The following PCDHA5 variants were observed in gnomAD, a reference collection of about 807,000 sequenced individuals.
PCDHA5 encodes protocadherin alpha 5, also known as protocadherin alpha-5.
A neutral mutation model predicts 61.6 loss-of-function variants in PCDHA5; 43 were observed. The ratio of observed to expected loss-of-function variants is 0.70; its 90% CI spans 0.55 to 0.90. PCDHA5 has a LOEUF of 0.90. Ranked by LOEUF, PCDHA5 falls within the 40% of genes least tolerant of loss-of-function variation. PCDHA5 has a pLI of 0.00. For missense variants in PCDHA5, 1,298 were observed against 1,222.7 expected (o/e 1.06, Z -0.92); for synonymous variants, 627 against 543.9 (o/e 1.15, Z -2.13).
At chr5:140,967,627 C>G (rs1218869340) in intron 1 of PCDHA5, 16 of 1,614,040 alleles carry the variant, frequency 9.9e-6, no homozygotes, top group Non-Finnish European at 1.3e-5. Context: ...CGGATGAGGG[C>G]TCCAATGGTG....
chr5:140,900,178 T>C (rs972449455), intron 1 of PCDHA5, among the ~76,000 whole-genome samples: 2 of 152,238 alleles, frequency 1.3e-5, no homozygotes, highest in African/African-American at 2.4e-5. Context: ...GCCTGGTTTA[T>C]GTCACTTATA....
intron 1 of PCDHA5, chr5:140,884,367 T>G (rs2060126363): frequency 1.2e-6 from 2 of 1,613,928 alleles, no homozygotes; most frequent in Middle Eastern, 3.3e-4. Context: ...AATGTTTACT[T>G]GATCATTGCC....
At chr5:140,950,551 G>T (rs1162032370) in intron 1 of PCDHA5, among the ~76,000 whole-genome samples, 1 of 151,932 alleles carries the variant, frequency 6.6e-6, no homozygotes, top group African/African-American at 2.4e-5. Context: ...CATGGCTGGG[G>T]GGACACTTAT....
At position 140,823,109 on chromosome 5, in the gene PCDHA5, C is replaced by T. The variant is rs1197473169; in HGVS notation, c.1334C>T (p.Ala445Val). The T allele has an allele frequency of 6.2e-7, 1 of 1,614,038 alleles. No individual in the cohort carries two copies. The change falls in exon 1 of 4, where the codon GCC becomes GTC. Residue 445 changes from alanine (A) to valine (V), a missense_variant. Physicochemically the swap from Ala to Val is moderately conservative, Grantham distance 64 (BLOSUM62 0). Coordinates refer to ENST00000529859, the MANE Select transcript of PCDHA5 (RefSeq NM_018908.3). ...WATASVSVEV[A>V]DVNDNAPAFA... ...ACCGCCAGCGTGTCTGTGGAAGTGG[C>T]CGACGTGAACGACAACGCTCCGGCG...
In PCDHA5 at chr5:140,835,864, T is replaced by C. The variant is rs2150246825; in HGVS notation, c.2352+11737T>C. 15 of 1,611,970 alleles carry C rather than the reference T, an allele frequency of 9.3e-6. No homozygotes were observed. The highest frequency in any genetic ancestry group is 1.2e-5 in the Non-Finnish European group (14 of 1,179,634). ...AAGAACGCGCTGGTGTCCTACTCGC[T>C]GGTGGAGCTGCGGGTGGGCGAGCGC... On this transcript the variant is annotated intron_variant, in intron 1 of 3. Transcript: ENST00000529859.
intron 1 of PCDHA5, among the ~76,000 whole-genome samples, chr5:140,885,265 T>C (rs2060534945): frequency 6.6e-6 from 1 of 152,186 alleles, no homozygotes; most frequent in African/African-American, 2.4e-5. Flanking sequence ...TAATTACTCA[T>C]ACATATATAT....
intron 1 of PCDHA5, 196 bp downstream of exon 1, chr5:140,824,323 T>A: frequency 1.4e-6 from 1 of 698,316 alleles, no homozygotes; most frequent in South Asian, 1.9e-5. Context: ...ATCAGCTTTC[T>A]GTGATATTAA....
chr5:140,980,265 A>G (rs1041506600), intron 2 of PCDHA5, among the ~76,000 whole-genome samples: 1 of 152,258 alleles, frequency 6.6e-6, no homozygotes, highest in Non-Finnish European at 1.5e-5. Flanking sequence ...CATGGTTTAC[A>G]GTACCAACTC....
At chr5:140,881,559 C>G (rs1293330721) in intron 1 of PCDHA5, among the ~76,000 whole-genome samples, 2 of 152,174 alleles carry the variant, frequency 1.3e-5, no homozygotes, top group Admixed American at 6.5e-5. Context: ...ATATAAATAT[C>G]TTATCTACAT....
At position 140,821,754 on chromosome 5, in the gene PCDHA5, T is replaced by G. The variant is rs1461015460; in HGVS notation, c.-22T>G. On this transcript the variant is annotated 5_prime_UTR_variant, in exon 1 of 4. Coordinates refer to ENST00000529859, the MANE Select transcript of PCDHA5 (RefSeq NM_018908.3). ...ATTGTGTGGTGATGCAATAGAAAGCTCATAATTGGAACGAGATTGAGATGG... is the reference window on the plus strand; with the variant it reads ...ATTGTGTGGTGATGCAATAGAAAGCGCATAATTGGAACGAGATTGAGATGG... 1.3e-6 allele frequency: 2 copies of G among 1,582,528 alleles called. No homozygotes were observed. Among genetic ancestry groups the G allele is most frequent in the Non-Finnish European group, 1.7e-6 (2 of 1,165,256 alleles).
chr5:140,948,312 G>A (rs2094238308), intron 1 of PCDHA5, among the ~76,000 whole-genome samples: 1 of 151,400 alleles, frequency 6.6e-6, no homozygotes, highest in African/African-American at 2.4e-5. Context: ...TTCTTCTTGA[G>A]GGGTAATGTT....
chr5:140,824,632 TA>T lies in PCDHA5; in HGVS notation c.2352+506del, dbSNP rs1368126931. 1,053 of 118,568 alleles carry T rather than the reference TA, an allele frequency of 8.9e-3. 203 individuals carry two copies. The highest frequency in any genetic ancestry group is 0.034 in the African/African-American group (833 of 24,828). 7.3% of individuals were successfully genotyped at this position (118,568 alleles called of 1,614,324 possible). A position where few individuals can be genotyped will look rare whatever the true frequency, so the allele number is the denominator to read the frequency against. ...AAAGTTTTTTTTTTTTTTTTTTTTT[TA>T]TTTTCTGTAGAGATAGGGGTCTTGC... On this transcript the variant is annotated intron_variant, in intron 1 of 3. Transcript: ENST00000529859.
At chr5:140,868,909 T>C (rs2050732260) in intron 1 of PCDHA5, 3 of 886,670 alleles carry the variant, frequency 3.4e-6, no homozygotes, top group Non-Finnish European at 5.0e-6. Context: ...CGCTCTTTAC[T>C]TGGTGGAAAG....
intron 1 of PCDHA5, chr5:140,928,939 T>G (rs367874769): frequency 6.2e-7 from 1 of 1,614,012 alleles, no homozygotes; most frequent in African/African-American, 1.3e-5. Context: ...CCAGAACTTG[T>G]ATTTAGTAAT....
chr5:140,911,979 A>G (rs1583809781), intron 1 of PCDHA5, among the ~76,000 whole-genome samples: 2 of 152,328 alleles, frequency 1.3e-5, no homozygotes, highest in African/African-American at 4.8e-5. Flanking sequence ...AACTCACATG[A>G]TCACAAGGTC....
intron 1 of PCDHA5, chr5:140,860,444 T>C (rs1311147382): frequency 6.6e-6 from 1 of 152,156 alleles, no homozygotes; most frequent in South Asian, 2.1e-4. Flanking sequence ...CTTTTTCATA[T>C]TAATTCACGT....
chr5:140,840,974 G>T (rs1202525007), intron 1 of PCDHA5, among the ~76,000 whole-genome samples: 1 of 152,020 alleles, frequency 6.6e-6, no homozygotes, highest in Non-Finnish European at 1.5e-5. Flanking sequence ...TTATGAAGAA[G>T]AAATCCCTAG....
rs114148884 is a variant in PCDHA5 at position 140,924,440 on chromosome 5, C to T, written c.2353-54509C>T. ...CTTTCTAGTTCCCTAGAAGAGATAA[C>T]GAATGGGTTTGTGTGTTTAGGGAGG... On this transcript the variant is annotated intron_variant, in intron 1 of 3. Coordinates refer to ENST00000529859, the MANE Select transcript of PCDHA5 (RefSeq NM_018908.3). Among the ~76,000 whole-genome samples, 538 of 152,252 alleles carry T rather than the reference C, an allele frequency of 3.5e-3. 4 individuals are homozygous for T. Among genetic ancestry groups the T allele is most frequent in the African/African-American group, 0.012 (480 of 41,540 alleles).
At chr5:140,858,422 G>C in intron 1 of PCDHA5, 3 of 1,554,774 alleles carry the variant, frequency 1.9e-6, no homozygotes, top group Non-Finnish European at 2.6e-6. Flanking sequence ...TATTGGAGGG[G>C]ACCACTCTAG....
Sources: gnomAD v4.1 joint callset for allele counts (sites outside exome capture counted in the v4.1 genomes callset) on GRCh38, gnomAD v4.1.1 for gene constraint, MANE v1.5 for transcripts, NCBI Gene and HGNC (gene_info 2026-07-23, HGNC 2026-07-21) for gene names.